Variants in MMS22L observed in about 807,000 individuals in gnomAD.
The protein encoded by MMS22L is MMS22 like, DNA repair protein, also known as protein MMS22-like.
In MMS22L, 74 loss-of-function variants were observed where a neutral mutation model predicts 159.1. The ratio of observed to expected loss-of-function variants is 0.47; its 90% CI spans 0.39 to 0.56. The LOEUF (loss-of-function observed/expected upper bound fraction) is 0.56. Among genes scored for constraint, MMS22L ranks in the 20% least tolerant of loss-of-function variants. The pLI is 0.00. For missense variants in MMS22L, 1,351 were observed against 1,422.1 expected (o/e 0.95, Z 0.80); for synonymous variants, 517 against 506.9 (o/e 1.02, Z -0.27).
chr6:97,156,329 C>A (rs776394574), intron 22 of MMS22L, among the ~76,000 whole-genome samples: 1 of 152,020 alleles, frequency 6.6e-6, no homozygotes, highest in South Asian at 2.1e-4. Context: ...TTAATTAGAT[C>A]CCATTTATAT....
intron 14 of MMS22L, among the ~76,000 whole-genome samples, chr6:97,191,936 A>G (rs1016253503): frequency 4.6e-5 from 7 of 152,240 alleles, no homozygotes; most frequent in African/African-American, 1.4e-4. Context: ...TCAAAAAATG[A>G]GAAAAAACAA....
At chr6:97,166,085 G>GA (rs1457842826) in intron 20 of MMS22L, among the ~76,000 whole-genome samples, 2 of 152,102 alleles carry the variant, frequency 1.3e-5, no homozygotes, top group Non-Finnish European at 2.9e-5. Flanking sequence ...CTAAGGTTTA[G>GA]AAAAGTGAAG....
In MMS22L at chr6:97,143,005, C is replaced by G. The variant is rs1350687385; in HGVS notation, c.*3801G>C. The G allele has an allele frequency of 6.6e-6, 1 of 152,538 alleles. No individual in the cohort carries two copies. The highest frequency in any genetic ancestry group is 1.5e-5 in the Non-Finnish European group (1 of 67,996). The allele number at this position is 152,538 out of a possible 1,614,324, so 9.4% of individuals were successfully genotyped here. A position where few individuals can be genotyped will look rare whatever the true frequency, so the allele number is the denominator to read the frequency against. ...TTTAAACTATGAAATTCCTCTAATG[C>G]AAATGAACTCAATACTGAATGACTT... On this transcript the variant is annotated 3_prime_UTR_variant, in exon 25 of 25. Coordinates refer to ENST00000683635, the MANE Select transcript of MMS22L (RefSeq NM_001350599.2).
At chr6:97,181,770 G>C (rs1403649884) in intron 16 of MMS22L, 134 bp downstream of exon 16, 2 of 871,710 alleles carry the variant, frequency 2.3e-6, no homozygotes, top group Non-Finnish European at 3.2e-6. Context: ...TGATATATCT[G>C]AAAGCAAAAA....
In MMS22L at chr6:97,239,192, C is replaced by A. The variant is rs1811788881; in HGVS notation, c.1183-5212G>T. ...TAGTTAGTTATTTAAAGACTATTGT[C>A]CCACATTATTTAGATCTAATCACAT... On this transcript the variant is annotated intron_variant, in intron 11 of 24. Transcript: ENST00000683635. Among the ~76,000 whole-genome samples the A allele has an allele frequency of 2.6e-5, 4 of 151,974 alleles. No individual in the cohort carries two copies. In the South Asian group the frequency reaches 8.3e-4, roughly 32 times the overall value.
chr6:97,220,957 GACAC>G (rs71012586), intron 14 of MMS22L, among the ~76,000 whole-genome samples: 11,274 of 143,388 alleles, frequency 0.079, 496 homozygotes, highest in East Asian at 0.18. Context: ...TAAGACCCCT[GACAC>G]ACACACACAC....
chr6:97,191,605 T>C (rs1252039497), intron 14 of MMS22L, among the ~76,000 whole-genome samples: 1 of 152,128 alleles, frequency 6.6e-6, no homozygotes, highest in Non-Finnish European at 1.5e-5. Flanking sequence ...TAGTGAAAAA[T>C]ATAATGGAAA....
At chr6:97,256,152 A>AT (rs910578528) in intron 9 of MMS22L, among the ~76,000 whole-genome samples, 10 of 151,850 alleles carry the variant, frequency 6.6e-5, no homozygotes, top group African/African-American at 1.5e-4. Context: ...TTGAATATTA[A>AT]TTTTTTCCCC....
chr6:97,221,658 C>T (rs1392871068), intron 14 of MMS22L, among the ~76,000 whole-genome samples: 1 of 151,928 alleles, frequency 6.6e-6, no homozygotes, highest in Non-Finnish European at 1.5e-5. Context: ...GATACCCATG[C>T]TTTCTCTGAA....
In MMS22L at chr6:97,229,312, C is replaced by T. The variant is rs1239704116; in HGVS notation, c.1621G>A (p.Val541Ile). 1 of 1,614,020 alleles carries T rather than the reference C, an allele frequency of 6.2e-7. No homozygotes were observed. The highest frequency in any genetic ancestry group is 1.7e-5 in the Admixed American group (1 of 59,986). Residue 541 changes from valine (V) to isoleucine (I), a missense_variant, in exon 14 of 25, where the codon GTT (valine) becomes ATT (isoleucine). Coordinates refer to ENST00000683635, the MANE Select transcript of MMS22L (RefSeq NM_001350599.2). ...CTTGCAACATCTTCTACCTCTGCAA[C>T]AGCTGCTAACAGTAGAAAAAGGCTA... ...FFSLFLLLAA[V>I]AEVEDVASHV...
At chr6:97,270,156 C>G (rs987700613) in intron 6 of MMS22L, 164 bp from the exon 7 acceptor site, 60 of 651,140 alleles carry the variant, frequency 9.2e-5, no homozygotes, top group Non-Finnish European at 1.5e-4. Flanking sequence ...TTAGAGGATT[C>G]TTTCACTGAA....
At chr6:97,220,128 T>C (rs770942181) in intron 14 of MMS22L, among the ~76,000 whole-genome samples, 12 of 152,262 alleles carry the variant, frequency 7.9e-5, no homozygotes, top group Non-Finnish European at 1.6e-4. Flanking sequence ...GAACCCTCAA[T>C]TGGTTTTGAC....
intron 23 of MMS22L, 114 bp downstream of exon 23, chr6:97,151,656 TA>T: frequency 1.3e-6 from 1 of 758,114 alleles, no homozygotes; most frequent in Non-Finnish European, 2.2e-6. Context: ...ATAATTGAAA[TA>T]CTATAAACAA....
intron 19 of MMS22L, 115 bp downstream of exon 19, chr6:97,172,948 T>C: frequency 1.1e-6 from 1 of 937,284 alleles, no homozygotes; most frequent in South Asian, 2.1e-5. Flanking sequence ...TATTTCAGAT[T>C]ACTCTTATGA....
intron 14 of MMS22L, among the ~76,000 whole-genome samples, chr6:97,216,311 A>G (rs898711615): frequency 6.6e-6 from 1 of 152,172 alleles, no homozygotes; most frequent in Non-Finnish European, 1.5e-5. Context: ...TATTAATCCA[A>G]AAGTAATTAA....
chr6:97,282,469 G>A lies in MMS22L; in HGVS notation c.9C>T (p.Asn3=), dbSNP rs1256890353. The stretch of plus-strand genomic sequence containing the variant: ...TCAGGAACGTCGATGCAGCAGAACA[G>A]TTCTCCATTGTTTACTTCATGTTCT... ME[N]CSAASTFLTD... is the part of the protein sequence containing the mutation. Residue 3 remains asparagine, a synonymous_variant, in exon 2 of 25, where the codon AAC becomes AAT. Coordinates refer to ENST00000683635, the MANE Select transcript of MMS22L (RefSeq NM_001350599.2). 4.4e-6 allele frequency: 7 copies of A among 1,596,012 alleles called. No homozygotes were observed. The African/African-American group carries it at 6.8e-5, about 16-fold the overall frequency.
rs57593193 is a variant in MMS22L, at chr6:97,146,722, C to G, written c.*84G>C. 3.5e-4 allele frequency: 312 copies of G among 897,282 alleles called. 1 individual carries two copies. In the African/African-American group the frequency reaches 4.6e-3, roughly 13 times the overall value. The allele number at this position is 897,282 out of a possible 1,614,324, so 55.6% of individuals were successfully genotyped here. A position where few individuals can be genotyped will look rare whatever the true frequency, so the allele number is the denominator to read the frequency against. On this transcript the variant is annotated 3_prime_UTR_variant, in exon 25 of 25. Coordinates refer to ENST00000683635, the MANE Select transcript of MMS22L (RefSeq NM_001350599.2). ...AAATTATTTTAAACAGAACATTATA[C>G]AATTAATTAAAAGTAGGAATTAGAG...
chr6:97,220,818 C>T (rs1370879329), intron 14 of MMS22L, among the ~76,000 whole-genome samples: 3 of 151,916 alleles, frequency 2.0e-5, no homozygotes, highest in Non-Finnish European at 4.4e-5. Flanking sequence ...ATGTTGTTTC[C>T]TACAATTCTT....
At chr6:97,279,980 T>C (rs763667757) in intron 3 of MMS22L, among the ~76,000 whole-genome samples, 7 of 152,192 alleles carry the variant, frequency 4.6e-5, no homozygotes, top group Non-Finnish European at 8.8e-5. Flanking sequence ...CTATTCTTCC[T>C]AGTTGATTTC....
Sources: gnomAD v4.1 joint callset for allele counts (sites outside exome capture counted in the v4.1 genomes callset) on GRCh38, gnomAD v4.1.1 for gene constraint, MANE v1.5 for transcripts, NCBI Gene and HGNC (gene_info 2026-07-23, HGNC 2026-07-21) for gene names.